Variants in RTEL1 observed in about 807,000 individuals in gnomAD.
The protein encoded by RTEL1 is regulator of telomere elongation helicase 1, also known as regulator of telomere length.
RTEL1 carries 86 observed loss-of-function variants against 162.2 expected under a neutral mutation model. The ratio of observed to expected loss-of-function variants is 0.53; its 90% confidence interval spans 0.45 to 0.63. The LOEUF is 0.63. Among genes scored for constraint, RTEL1 ranks in the 30% least tolerant of loss-of-function variants. RTEL1 has a pLI of 0.00. For synonymous variants in RTEL1, 958 were observed against 717.9 expected (o/e 1.33, Z -5.35); for missense variants, 1,941 against 1,750.2 (o/e 1.11, Z -1.95).
In RTEL1 at chr20:63,689,707, G is replaced by A. The variant is rs371954769; in HGVS notation, c.2026-43G>A. On this transcript the variant is annotated intron_variant, in intron 23 of 34. Coordinates refer to ENST00000360203, the MANE Select transcript of RTEL1 (RefSeq NM_001283009.2). ...GGTCTGGTGACTGAGCCCCCGCCCC[G>A]TGGCCAAGGGAGCCCCCGTGACCGA... 861 of 1,604,514 alleles carry A rather than the reference G, an allele frequency of 5.4e-4. 2 individuals carry two copies. The highest frequency in any genetic ancestry group is 3.6e-4 in the Non-Finnish European group (418 of 1,174,116).
intron 4 of RTEL1, among the ~76,000 whole-genome samples, 160 bp downstream of exon 4, chr20:63,662,103 G>A (rs1001421477): frequency 2.0e-5 from 3 of 152,132 alleles, no homozygotes; most frequent in African/African-American, 7.2e-5. Flanking sequence ...GGTGGGGTGC[G>A]GCCTGGGCTG....
At chr20:63,669,398 A>G (rs1395369079) in intron 8 of RTEL1, among the ~76,000 whole-genome samples, 1 of 152,258 alleles carries the variant, frequency 6.6e-6, no homozygotes, top group Non-Finnish European at 1.5e-5. Flanking sequence ...TACACAAGGC[A>G]CTAGCCATGA....
At chr20:63,690,666 C>CT in intron 26 of RTEL1, 139 bp from the exon 27 acceptor site, 1 of 1,070,270 alleles carries the variant, frequency 9.3e-7, no homozygotes, top group Admixed American at 2.9e-5. Context: ...GAGGCTGAGA[C>CT]TCCCCCCAAT....
chr20:63,693,931 C>A (rs1443391069), intron 30 of RTEL1, among the ~76,000 whole-genome samples: 1 of 151,118 alleles, frequency 6.6e-6, no homozygotes, highest in Non-Finnish European at 1.5e-5. Flanking sequence ...GTCCTAGGGT[C>A]CTAGACCCCT....
chr20:63,688,722 T>G, intron 21 of RTEL1, 117 bp downstream of exon 21: 1 of 858,714 alleles, frequency 1.2e-6, no homozygotes, highest in Non-Finnish European at 1.8e-6. Context: ...TCCCGCTGCC[T>G]CTTCAGGGCT....
intron 14 of RTEL1, chr20:63,682,631 A>T: frequency 1.0e-6 from 1 of 985,814 alleles, no homozygotes; most frequent in African/African-American, 1.7e-5. Flanking sequence ...CACAGTGCTC[A>T]CCCGCGTTGG....
chr20:63,692,556 C>T (rs892155642), intron 28 of RTEL1: 10 of 569,536 alleles, frequency 1.8e-5, no homozygotes, highest in Non-Finnish European at 2.8e-5. Flanking sequence ...GCCAATCTAC[C>T]CTTTGCCCAT....
intron 1 of RTEL1, 57 bp from the exon 2 acceptor site, chr20:63,659,176 A>C: frequency 1.8e-6 from 1 of 546,184 alleles, no homozygotes; most frequent in Non-Finnish European, 3.3e-6. Flanking sequence ...ACGCCTGGGA[A>C]AGTAGCCCGG....
Position 63,695,855 on chromosome 20 carries a change from G to C in RTEL1, c.3900G>C (p.Gln1300His). ...SVMQVFWPEP[Q>H] ...TGCAGGTCTTCTGGCCAGAGCCCCA[G>C]TGAGTGCCCACGGAGGCCCCCAGCA... The change falls in exon 35 of 35, where the codon CAG (glutamine) becomes CAC (histidine). Residue 1300 changes from glutamine to histidine, a missense_variant. Coordinates refer to ENST00000360203, the MANE Select transcript of RTEL1 (RefSeq NM_001283009.2). 6.3e-7 allele frequency: 1 copy of C among 1,587,784 alleles called. No individual in the cohort carries two copies. Among genetic ancestry groups the C allele is most frequent in the Non-Finnish European group, 8.6e-7 (1 of 1,168,710 alleles).
chr20:63,667,597 G>A, intron 8 of RTEL1, 44 bp downstream of exon 8: 1 of 1,474,198 alleles, frequency 6.8e-7, no homozygotes, highest in Non-Finnish European at 9.5e-7. Flanking sequence ...ATGTCCAGGG[G>A]TGTCCCTGGG....
intron 14 of RTEL1, among the ~76,000 whole-genome samples, chr20:63,685,284 T>G (rs1375723016): frequency 2.6e-5 from 4 of 152,100 alleles, no homozygotes; most frequent in Admixed American, 1.3e-4. Context: ...TGCCGCATTT[T>G]CAGTGCATGG....
chr20:63,696,208 G>C lies in RTEL1; in HGVS notation c.*350G>C. On this transcript the variant is annotated 3_prime_UTR_variant, in exon 35 of 35. Coordinates refer to ENST00000360203, the MANE Select transcript of RTEL1 (RefSeq NM_001283009.2). ...TGGGCACGTGTCCACTTTTAATCAG[G>C]GGACAGGGCTCTCTAATAAAGCTGC... is the stretch of plus-strand genomic sequence containing the variant. The C allele has an allele frequency of 2.6e-6, 1 of 387,132 alleles. No individual in the cohort carries two copies. Among genetic ancestry groups the C allele is most frequent in the Non-Finnish European group, 4.7e-6 (1 of 212,660 alleles). The allele number at this position is 387,132 out of a possible 1,614,324, so 24.0% of individuals were successfully genotyped here. A position where few individuals can be genotyped will look rare whatever the true frequency, so the allele number is the denominator to read the frequency against.
chr20:63,690,389 G>A lies in RTEL1; in HGVS notation c.2361G>A (p.Arg787=), dbSNP rs1443824309. 1.2e-6 allele frequency: 2 copies of A among 1,605,688 alleles called. No homozygotes were observed. The highest frequency in any genetic ancestry group is 1.7e-6 in the Non-Finnish European group (2 of 1,175,630). The change falls in exon 26 of 35, where the codon AGG becomes AGA. Residue 787 remains arginine, a synonymous_variant. Coordinates refer to ENST00000360203, the MANE Select transcript of RTEL1 (RefSeq NM_001283009.2). Reference sequence around the variant, plus strand: ...CGCCTGGCCCCTTCTTCTCCACCAGGAAAGCTAAGAGTCTGGACCTGCATG... The same window carrying A: ...CGCCTGGCCCCTTCTTCTCCACCAGAAAAGCTAAGAGTCTGGACCTGCATG... ...AKSPGPFFST[R]KAKSLDLHVP...
chr20:63,673,937 TAGG>T lies in RTEL1; in HGVS notation c.766_768del (p.Glu256del), dbSNP rs1555901753. The T allele has an allele frequency of 3.1e-6, 5 of 1,608,858 alleles. No homozygotes were observed. The highest frequency in any genetic ancestry group is 4.2e-6 in the Non-Finnish European group (5 of 1,176,534). On this transcript the variant is annotated splice_acceptor_variant and coding_sequence_variant, in exon 10 of 35. Coordinates refer to ENST00000360203, the MANE Select transcript of RTEL1 (RefSeq NM_001283009.2). LOFTEE classifies it high-confidence loss of function. The stretch of plus-strand genomic sequence containing the variant: ...TGGTGATTCGGGTGTGCTTGGGCTC[TAGG>T]AGAAGATGTGTGAAGAATCGGCATC...
intron 30 of RTEL1, among the ~76,000 whole-genome samples, 167 bp downstream of exon 30, chr20:63,693,450 A>ACCT (rs2090828118): frequency 2.5e-5 from 2 of 81,516 alleles, no homozygotes; most frequent in East Asian, 6.2e-4. Context: ...CACCAGCAGC[A>ACCT]CCACCTCCAC....
chr20:63,693,382 T>C (rs2145450716), intron 30 of RTEL1, 99 bp downstream of exon 30: 2 of 1,433,588 alleles, frequency 1.4e-6, no homozygotes, highest in Non-Finnish European at 1.9e-6. Context: ...GGGCCCTGCT[T>C]GGCCCCGCCT....
chr20:63,659,902 CG>C, intron 2 of RTEL1, among the ~76,000 whole-genome samples: 1 of 152,298 alleles, frequency 6.6e-6, no homozygotes, highest in South Asian at 2.1e-4. Context: ...AAGAGGAATG[CG>C]GCAGGACAGC....
At chr20:63,689,408 G>A in intron 22 of RTEL1, 94 bp from the exon 23 acceptor site, 1 of 1,393,192 alleles carries the variant, frequency 7.2e-7, no homozygotes, top group Admixed American at 2.8e-5. Context: ...CCCCTGGTTG[G>A]GGACGGAGCC....
downstream of RTEL1, chr20:63,696,250 G>A (rs2090978905): frequency 1.0e-5 from 3 of 290,768 alleles, no homozygotes; most frequent in South Asian, 7.0e-5. Flanking sequence ...TGCCCAGGAC[G>A]GTGTCTTCGT....
Sources: allele counts gnomAD v4.1 joint callset (sites outside exome capture counted in the v4.1 genomes callset), GRCh38; gene constraint gnomAD v4.1.1; transcripts MANE v1.5; gene names NCBI Gene and HGNC (gene_info 2026-07-23, HGNC 2026-07-21).